Variants in HFM1 observed in about 807,000 individuals in gnomAD.
HFM1 encodes the protein helicase for meiosis 1.
HFM1 carries 169 observed loss-of-function variants against 192.1 expected under a neutral mutation model. The ratio of observed to expected loss-of-function variants is 0.88; its 90% CI spans 0.78 to 1.00. The LOEUF is 1.00. HFM1 is among the 50% of genes least tolerant of loss of function. HFM1 has a pLI of 0.00. For missense variants in HFM1, 1,661 were observed against 1,668.0 expected (o/e 1.00, Z 0.07); for synonymous variants, 525 against 537.8 (o/e 0.98, Z 0.33).
chr1:91,297,488 GCCT>G (rs1184371669), intron 30 of HFM1, among the ~76,000 whole-genome samples: 29 of 151,810 alleles, frequency 1.9e-4, no homozygotes, highest in African/African-American at 6.0e-4. Context: ...CAGGCAGACT[GCCT>G]CCTCAAGTGG....
At chr1:91,308,072 G>A (rs1649901240) in intron 30 of HFM1, among the ~76,000 whole-genome samples, 1 of 152,020 alleles carries the variant, frequency 6.6e-6, no homozygotes, top group African/African-American at 2.4e-5. Context: ...GTCCAGGTGT[G>A]GTTTTCCCTG....
intron 21 of HFM1, 127 bp downstream of exon 21, chr1:91,324,547 AT>A: frequency 1.7e-6 from 1 of 603,586 alleles, no homozygotes; most frequent in Non-Finnish European, 3.0e-6. Context: ...CAGAGGATAT[AT>A]CTTAGAAATG....
At chr1:91,308,101 G>T (rs955104402) in intron 30 of HFM1, among the ~76,000 whole-genome samples, 1 of 152,062 alleles carries the variant, frequency 6.6e-6, no homozygotes, top group African/African-American at 2.4e-5. Context: ...TCTGTTTGGG[G>T]TTTACCAAAA....
intron 30 of HFM1, among the ~76,000 whole-genome samples, chr1:91,280,874 T>A (rs746286750): frequency 6.6e-6 from 1 of 152,182 alleles, no homozygotes; most frequent in African/African-American, 2.4e-5. Flanking sequence ...TCCATTAGGG[T>A]GTCCTTACCA....
At chr1:91,398,884 C>T (rs1164185485) in intron 2 of HFM1, among the ~76,000 whole-genome samples, 4 of 151,946 alleles carry the variant, frequency 2.6e-5, no homozygotes, top group East Asian at 1.9e-4. Context: ...GTAGAGATGG[C>T]GTTTCACCAT....
At chr1:91,318,947 A>G (rs998968767) in intron 25 of HFM1, 131 bp downstream of exon 25, 16 of 816,048 alleles carry the variant, frequency 2.0e-5, no homozygotes, top group Non-Finnish European at 2.8e-5. Flanking sequence ...TCGAAAGTAC[A>G]GCACTTATTT....
chr1:91,371,775 G>A (rs1168051668), intron 13 of HFM1, among the ~76,000 whole-genome samples: 1 of 151,578 alleles, frequency 6.6e-6, no homozygotes, highest in Non-Finnish European at 1.5e-5. Flanking sequence ...TACAGCAAAA[G>A]AAACTACCAT....
chr1:91,290,259 T>C (rs867187189), intron 30 of HFM1, among the ~76,000 whole-genome samples: 26 of 152,148 alleles, frequency 1.7e-4, no homozygotes, highest in African/African-American at 3.9e-4. Context: ...GACTGGCAAA[T>C]TGGATAAAGA....
chr1:91,387,824 C>T (rs1435045661), intron 4 of HFM1, among the ~76,000 whole-genome samples: 2 of 145,614 alleles, frequency 1.4e-5, no homozygotes, highest in Non-Finnish European at 3.0e-5. Context: ...CTAGATGACA[C>T]GTTAGTGGGT....
chr1:91,323,754 A>G (rs892893515), intron 21 of HFM1, among the ~76,000 whole-genome samples: 1 of 152,164 alleles, frequency 6.6e-6, no homozygotes, highest in Non-Finnish European at 1.5e-5. Flanking sequence ...TTTCTTACAC[A>G]CTTGCTAAAC....
At chr1:91,385,266 T>C (rs994615199) in intron 5 of HFM1, 32 bp from the exon 6 acceptor site, 6 of 1,287,228 alleles carry the variant, frequency 4.7e-6, no homozygotes, top group Non-Finnish European at 6.6e-6. Flanking sequence ...TTTATATAAA[T>C]ATCAAAAAAA....
chr1:91,320,934 C>T (rs200046672), intron 23 of HFM1, among the ~76,000 whole-genome samples: 1 of 152,138 alleles, frequency 6.6e-6, no homozygotes, highest in African/African-American at 2.4e-5. Flanking sequence ...GTTAGAATTA[C>T]GTTCATGACC....
At chr1:91,355,337 A>G (rs1657571518) in intron 13 of HFM1, among the ~76,000 whole-genome samples, 1 of 152,082 alleles carries the variant, frequency 6.6e-6, no homozygotes. Flanking sequence ...AAACAATTAA[A>G]ATGGCAGGAG....
Position 91,380,205 on chromosome 1 carries a change from C to T in HFM1, c.905G>A (p.Cys302Tyr), listed in dbSNP as rs1442966516. ...AGTTTTTCCAGAACCAGTTGGAGCA[C>T]AAATCACAAAATTCCTATCTGTGTA... ...LLYTDRNFVI[C>Y]APTGSGKTVV... The change falls in exon 8 of 39, where the codon TGT becomes TAT. Residue 302 changes from cysteine (C) to tyrosine (Y), a missense_variant. Coordinates refer to ENST00000370425, the MANE Select transcript of HFM1 (RefSeq NM_001017975.6). The T allele has an allele frequency of 1.3e-6, 2 of 1,577,880 alleles. No homozygotes were observed. Among genetic ancestry groups the T allele is most frequent in the East Asian group, 2.3e-5 (1 of 43,362 alleles).
intron 30 of HFM1, among the ~76,000 whole-genome samples, chr1:91,303,917 C>G (rs1183481997): frequency 1.3e-5 from 2 of 152,168 alleles, no homozygotes; most frequent in Non-Finnish European, 2.9e-5. Context: ...ATGATCTTGG[C>G]TCACTGCAAC....
At chr1:91,306,312 A>G (rs1292786178) in intron 30 of HFM1, among the ~76,000 whole-genome samples, 1 of 152,254 alleles carries the variant, frequency 6.6e-6, no homozygotes, top group East Asian at 1.9e-4. Flanking sequence ...AGCCTGGGCA[A>G]CAAGGGTGAA....
intron 23 of HFM1, among the ~76,000 whole-genome samples, chr1:91,321,985 C>T (rs1278556513): frequency 6.6e-6 from 1 of 152,112 alleles, no homozygotes; most frequent in Non-Finnish European, 1.5e-5. Flanking sequence ...GCAACATAAC[C>T]TTGGCGAAGT....
At chr1:91,328,503 G>A in intron 20 of HFM1, 1 of 1,613,510 alleles carries the variant, frequency 6.2e-7, no homozygotes, top group Non-Finnish European at 8.5e-7. Flanking sequence ...GCACTTATCA[G>A]TTCCTGATTG....
chr1:91,320,870 T>G (rs932281904), intron 23 of HFM1, among the ~76,000 whole-genome samples: 5 of 152,296 alleles, frequency 3.3e-5, no homozygotes, highest in Admixed American at 3.3e-4. Flanking sequence ...TACATGGTAG[T>G]TATGACTAAC....
Sources: gnomAD v4.1 joint callset for allele counts (sites outside exome capture counted in the v4.1 genomes callset) on GRCh38, gnomAD v4.1.1 for gene constraint, MANE v1.5 for transcripts, NCBI Gene and HGNC (gene_info 2026-07-23, HGNC 2026-07-21) for gene names.